Variants in ZSWIM5 observed in about 807,000 individuals in gnomAD.
The protein encoded by ZSWIM5 is zinc finger SWIM domain-containing protein 5.
A neutral mutation model predicts 119.6 loss-of-function variants in ZSWIM5; 55 were observed. That is an observed-to-expected ratio of 0.46 (90% CI 0.37 to 0.58). The LOEUF is 0.58. Among genes scored for constraint, ZSWIM5 ranks in the 20% least tolerant of loss-of-function variants. The pLI, the probability that ZSWIM5 is intolerant of heterozygous loss-of-function variation, is 0.00. For missense variants in ZSWIM5, 1,193 were observed against 1,512.8 expected (o/e 0.79, Z 3.51); for synonymous variants, 537 against 606.9 (o/e 0.88, Z 1.69).
intron 1 of ZSWIM5, among the ~76,000 whole-genome samples, chr1:45,189,731 G>T (rs1404555991): frequency 1.3e-5 from 2 of 152,176 alleles, no homozygotes; most frequent in African/African-American, 4.8e-5. Context: ...ATTCCAGCCT[G>T]GGTGACAGAG....
intron 2 of ZSWIM5, among the ~76,000 whole-genome samples, chr1:45,079,775 T>C (rs1176625862): frequency 6.6e-6 from 1 of 152,166 alleles, no homozygotes; most frequent in Non-Finnish European, 1.5e-5. Context: ...AGGTTCTCAA[T>C]GTAGTACATG....
At chr1:45,048,033 GTTTCTTTCTTTCTTTC>G (rs139548010) in intron 5 of ZSWIM5, among the ~76,000 whole-genome samples, 6 of 128,222 alleles carry the variant, frequency 4.7e-5, no homozygotes, top group East Asian at 2.3e-4. Context: ...TATTATGGTT[GTTTCTTTCTTTCTTTC>G]TTTCTTTCTT....
intron 2 of ZSWIM5, among the ~76,000 whole-genome samples, chr1:45,075,453 A>G (rs1039134365): frequency 1.3e-5 from 2 of 152,194 alleles, no homozygotes; most frequent in Non-Finnish European, 1.5e-5. Flanking sequence ...TTATCATTAT[A>G]TCATGACCTT....
intron 1 of ZSWIM5, among the ~76,000 whole-genome samples, chr1:45,119,044 G>A (rs1406317435): frequency 6.6e-6 from 1 of 152,164 alleles, no homozygotes; most frequent in Non-Finnish European, 1.5e-5. Flanking sequence ...AGATGGTATG[G>A]TTAAGAATGG....
chr1:45,132,319 A>G (rs1165845036), intron 1 of ZSWIM5, among the ~76,000 whole-genome samples: 1 of 152,126 alleles, frequency 6.6e-6, no homozygotes, highest in African/African-American at 2.4e-5. Context: ...TCTCCCTCAT[A>G]AAATAAGCAG....
intron 1 of ZSWIM5, among the ~76,000 whole-genome samples, chr1:45,153,182 A>G (rs1645807734): frequency 1.3e-5 from 2 of 151,748 alleles, no homozygotes; most frequent in Admixed American, 6.6e-5. Flanking sequence ...ACTGGTGGTA[A>G]TTTAATTCAG....
chr1:45,034,486 G>A lies in ZSWIM5; in HGVS notation c.2292-17C>T, dbSNP rs1487399461. 2 of 1,588,222 alleles carry A rather than the reference G, an allele frequency of 1.3e-6. No homozygotes were observed. The highest frequency in any genetic ancestry group is 1.7e-6 in the Non-Finnish European group (2 of 1,165,952). ...ACAGGTAACCTGGAAGACCCAGGAA[G>A]AATCATCAGCCACCATCCAGACCCT... On this transcript the variant is annotated splice_polypyrimidine_tract_variant and intron_variant, in intron 10 of 13. Transcript: ENST00000359600.
chr1:45,168,456 T>C (rs1645923339), intron 1 of ZSWIM5, among the ~76,000 whole-genome samples: 1 of 151,750 alleles, frequency 6.6e-6, no homozygotes, highest in African/African-American at 2.4e-5. Context: ...GTTGTGCACA[T>C]GTACCCTAGA....
chr1:45,065,692 C>A (rs1026449647), intron 2 of ZSWIM5, among the ~76,000 whole-genome samples: 6 of 152,022 alleles, frequency 3.9e-5, no homozygotes, highest in African/African-American at 1.5e-4. Flanking sequence ...CCAGGAGAAA[C>A]TGAGCTGCTA....
chr1:45,150,706 T>C (rs1031505712), intron 1 of ZSWIM5, among the ~76,000 whole-genome samples: 9 of 152,240 alleles, frequency 5.9e-5, no homozygotes, highest in African/African-American at 2.2e-4. Context: ...ATCATAATTA[T>C]TTTTCTACAT....
In ZSWIM5 at chr1:45,040,475, G is replaced by T; in HGVS notation, c.1673C>A (p.Ala558Asp). 1.9e-6 allele frequency: 3 copies of T among 1,612,246 alleles called. No homozygotes were observed. Among genetic ancestry groups the T allele is most frequent in the Non-Finnish European group, 2.5e-6 (3 of 1,179,162 alleles). The change falls in exon 7 of 14, where the codon GCC (alanine) becomes GAC (aspartate). Residue 558 changes from alanine (A) to aspartate (D), a missense_variant. This residue lies in a region of ZSWIM5 where 961 missense variants were observed against 1,290.0 expected (regional missense o/e 0.74). Transcript: ENST00000359600. Reference protein sequence around the residue: ...ALRSHGYPKEALRLTVAIINT... With the variant: ...ALRSHGYPKEDLRLTVAIINT... ...AATAATGGCCACTGTGAGTCTGAGGGCCTCTTTTGGATAACCATGGGAACG... is the reference window on the plus strand; with the variant it reads ...AATAATGGCCACTGTGAGTCTGAGGTCCTCTTTTGGATAACCATGGGAACG...
intron 2 of ZSWIM5, among the ~76,000 whole-genome samples, chr1:45,083,011 T>G (rs936830473): frequency 1.3e-5 from 2 of 152,086 alleles, no homozygotes; most frequent in African/African-American, 4.8e-5. Flanking sequence ...GGTACAGAGC[T>G]ATTCTTCTCT....
At chr1:45,071,100 G>A (rs1645218733) in intron 2 of ZSWIM5, among the ~76,000 whole-genome samples, 1 of 152,130 alleles carries the variant, frequency 6.6e-6, no homozygotes, top group African/African-American at 2.4e-5. Context: ...ATTACCTCAA[G>A]TATTTATTCT....
chr1:45,149,415 T>G (rs1361703763), intron 1 of ZSWIM5, among the ~76,000 whole-genome samples: 1 of 152,232 alleles, frequency 6.6e-6, no homozygotes, highest in Non-Finnish European at 1.5e-5. Flanking sequence ...CACAAATCTT[T>G]ATGGAATGAT....
At chr1:45,191,061 C>G (rs940383654) in intron 1 of ZSWIM5, among the ~76,000 whole-genome samples, 3 of 149,910 alleles carry the variant, frequency 2.0e-5, no homozygotes, top group Non-Finnish European at 3.0e-5. Flanking sequence ...ATTCTCCTGC[C>G]TCAGCCTCCC....
intron 11 of ZSWIM5, among the ~76,000 whole-genome samples, chr1:45,023,525 G>A (rs923924392): frequency 2.2e-5 from 3 of 134,350 alleles, no homozygotes; most frequent in Non-Finnish European, 4.7e-5. Flanking sequence ...TTGAGTGTGT[G>A]TGGCTTGAGA....
At chr1:45,194,232 T>C (rs1464493323) in intron 1 of ZSWIM5, among the ~76,000 whole-genome samples, 5 of 152,040 alleles carry the variant, frequency 3.3e-5, no homozygotes, top group Non-Finnish European at 7.4e-5. Flanking sequence ...CATGAATGAA[T>C]AGGGGGAAAA....
chr1:45,140,793 G>A (rs1645721660), intron 1 of ZSWIM5, among the ~76,000 whole-genome samples: 1 of 152,170 alleles, frequency 6.6e-6, no homozygotes, highest in Non-Finnish European at 1.5e-5. Flanking sequence ...TTTCAAACTT[G>A]GAAAGAATGT....
intron 1 of ZSWIM5, among the ~76,000 whole-genome samples, chr1:45,100,852 G>C (rs917701028): frequency 3.3e-5 from 5 of 152,200 alleles, no homozygotes; most frequent in African/African-American, 1.2e-4. Context: ...GCCATATGTA[G>C]AAAGCTGAAA....
Sources: gnomAD v4.1 joint callset for allele counts (sites outside exome capture counted in the v4.1 genomes callset) on GRCh38, gnomAD v4.1.1 for gene constraint, gnomAD v4.1.1 regional missense constraint, MANE v1.5 for transcripts, NCBI Gene and HGNC (gene_info 2026-07-23, HGNC 2026-07-21) for gene names.